Variants in UST observed in about 807,000 individuals in gnomAD.
UST encodes chondroitin sulfate 2-O-sulfotransferase.
Under a neutral mutation model 45.6 loss-of-function variants are expected in UST, and 21 were observed. That is an observed-to-expected ratio of 0.46 (90% confidence interval 0.33 to 0.66). The LOEUF is 0.66. Ranked by LOEUF, UST falls within the 30% of genes least tolerant of loss-of-function variation. The pLI is 0.02. For missense variants in UST, 463 were observed against 512.4 expected (o/e 0.90, Z 0.93); for synonymous variants, 215 against 200.6 (o/e 1.07, Z -0.61).
At chr6:148,907,761 G>A (rs1425813746) in intron 2 of UST, among the ~76,000 whole-genome samples, 4 of 152,298 alleles carry the variant, frequency 2.6e-5, no homozygotes, top group Non-Finnish European at 5.9e-5. Flanking sequence ...ATGGAAAAGT[G>A]CTAACGAATT....
intron 1 of UST, among the ~76,000 whole-genome samples, chr6:148,755,446 T>C (rs1443432584): frequency 1.3e-5 from 2 of 152,200 alleles, no homozygotes; most frequent in Non-Finnish European, 2.9e-5. Context: ...AGATGCTGCT[T>C]GGCCTCAGTT....
At chr6:148,914,587 C>T (rs1779545097) in intron 2 of UST, among the ~76,000 whole-genome samples, 1 of 152,140 alleles carries the variant, frequency 6.6e-6, no homozygotes, top group East Asian at 1.9e-4. Flanking sequence ...AATTCGTATA[C>T]CAGAACCTAA....
At chr6:148,838,683 C>T (rs1231306653) in intron 1 of UST, among the ~76,000 whole-genome samples, 1 of 152,004 alleles carries the variant, frequency 6.6e-6, no homozygotes, top group East Asian at 1.9e-4. Flanking sequence ...TCACTTGAGA[C>T]CAAGAATTCG....
chr6:148,888,943 A>G (rs1186399847), intron 2 of UST, among the ~76,000 whole-genome samples: 1 of 152,226 alleles, frequency 6.6e-6, no homozygotes, highest in East Asian at 1.9e-4. Context: ...ATTAGCCTCA[A>G]TGCACAGAGG....
chr6:148,779,875 CT>C, intron 1 of UST, among the ~76,000 whole-genome samples: 1 of 152,142 alleles, frequency 6.6e-6, no homozygotes, highest in East Asian at 1.9e-4. Context: ...TTTCCCCCTC[CT>C]GTTAGCTGCC....
chr6:148,997,809 G>C (rs528641265), intron 5 of UST, among the ~76,000 whole-genome samples: 2 of 152,134 alleles, frequency 1.3e-5, no homozygotes, highest in Admixed American at 6.5e-5. Flanking sequence ...TTGAGAAACC[G>C]AAGTTCCCTG....
rs111637353 is a variant in UST at position 148,989,590 on chromosome 6, G to T, written c.681+25027G>T. 2.8e-3 allele frequency among the ~76,000 whole-genome samples: 423 copies of T among 152,320 alleles called. 1 individual carries two copies. Among genetic ancestry groups the T allele is most frequent in the African/African-American group, 9.5e-3 (393 of 41,576 alleles). The stretch of plus-strand genomic sequence containing the variant: ...AGTATCTGTTCTACCAACTGCAAAA[G>T]TGCCAAAGGAGATCATATAGGTCCC... On this transcript the variant is annotated intron_variant, in intron 5 of 7. Coordinates refer to ENST00000367463, the MANE Select transcript of UST (RefSeq NM_005715.3).
chr6:149,021,550 G>T (rs1443951208), intron 7 of UST, 69 bp downstream of exon 7: 1 of 1,546,754 alleles, frequency 6.5e-7, no homozygotes, highest in African/African-American at 1.4e-5. Context: ...CCTTGAAAAG[G>T]CCTCAGGAAA....
chr6:148,876,685 C>T (rs906982497), intron 1 of UST, among the ~76,000 whole-genome samples: 1 of 152,096 alleles, frequency 6.6e-6, no homozygotes, highest in African/African-American at 2.4e-5. Context: ...TTAAAATACA[C>T]AGCACCCTGA....
intron 1 of UST, among the ~76,000 whole-genome samples, chr6:148,774,267 ATT>A (rs202059912): frequency 3.8e-5 from 4 of 105,512 alleles, no homozygotes; most frequent in African/African-American, 1.2e-4. Flanking sequence ...GAACAAGGTT[ATT>A]TTATATATAT....
intron 5 of UST, among the ~76,000 whole-genome samples, chr6:148,992,392 C>CG: frequency 6.6e-6 from 1 of 152,134 alleles, no homozygotes; most frequent in East Asian, 1.9e-4. Flanking sequence ...TGGGGTGAAC[C>CG]CGAGGGGCGG....
intron 2 of UST, among the ~76,000 whole-genome samples, chr6:148,940,324 C>CAAA (rs549981409): frequency 2.1e-5 from 3 of 140,486 alleles, no homozygotes; most frequent in Non-Finnish European, 3.1e-5. Context: ...CTGTCTCTAC[C>CAAA]AAAAAAAAAA....
intron 4 of UST, chr6:148,956,088 C>T (rs1780492422): frequency 6.6e-6 from 1 of 152,178 alleles, no homozygotes; most frequent in Admixed American, 6.5e-5. Flanking sequence ...AACTGGCCTC[C>T]CAACTGGTCA....
chr6:148,872,868 A>C (rs1271200808), intron 1 of UST, among the ~76,000 whole-genome samples: 4 of 152,120 alleles, frequency 2.6e-5, no homozygotes, highest in African/African-American at 9.7e-5. Flanking sequence ...TGACAAGGAC[A>C]CTGTGATTAC....
chr6:148,876,942 G>A (rs898949959), intron 1 of UST, among the ~76,000 whole-genome samples: 5 of 130,494 alleles, frequency 3.8e-5, no homozygotes, highest in African/African-American at 1.5e-4. Context: ...TCTTACTTGC[G>A]GATCCTGTGG....
In UST at chr6:148,903,250, A is replaced by G. The variant is rs763534911; in HGVS notation, c.291+16221A>G. On this transcript the variant is annotated intron_variant, in intron 2 of 7. Coordinates refer to ENST00000367463, the MANE Select transcript of UST (RefSeq NM_005715.3). ...AATAATATTATGTAATGTAAAGTCC[A>G]TGGTGGGAGACTGTGTATTAATTAT... Among the ~76,000 whole-genome samples, 5 of 152,160 alleles carry G rather than the reference A, an allele frequency of 3.3e-5. No homozygotes were observed. The East Asian group carries it at 5.8e-4, about 18-fold the overall frequency.
At chr6:148,894,449 G>A (rs1433101935) in intron 2 of UST, among the ~76,000 whole-genome samples, 2 of 152,162 alleles carry the variant, frequency 1.3e-5, no homozygotes, top group African/African-American at 4.8e-5. Flanking sequence ...GACAATGGAG[G>A]CAGATTGGGA....
At chr6:148,878,916 A>G (rs1269160477) in intron 1 of UST, among the ~76,000 whole-genome samples, 1 of 151,966 alleles carries the variant, frequency 6.6e-6, no homozygotes. Context: ...GTTTAAGTCA[A>G]GTGGGGCCCA....
At chr6:148,864,017 ACT>A (rs1778373613) in intron 1 of UST, among the ~76,000 whole-genome samples, 1 of 151,730 alleles carries the variant, frequency 6.6e-6, no homozygotes, top group Non-Finnish European at 1.5e-5. Context: ...GAGAACCACT[ACT>A]CTCTTCAAAG....
Sources: allele counts gnomAD v4.1 joint callset (sites outside exome capture counted in the v4.1 genomes callset), GRCh38; gene constraint gnomAD v4.1.1; transcripts MANE v1.5; gene names NCBI Gene and HGNC (gene_info 2026-07-23, HGNC 2026-07-21).